The following STK32C variants were observed in gnomAD, a reference collection of about 807,000 sequenced individuals.
STK32C encodes the protein serine/threonine-protein kinase 32C.
STK32C carries 31 observed loss-of-function variants against 56.5 expected under a neutral mutation model. The ratio of observed to expected loss-of-function variants is 0.55; its 90% CI spans 0.41 to 0.74. The LOEUF is 0.74. Among genes scored for constraint, STK32C ranks in the 30% least tolerant of loss-of-function variants. The pLI, the probability that STK32C is intolerant of heterozygous loss-of-function variation, is 0.00. For synonymous variants in STK32C, 309 were observed against 289.4 expected, an observed-to-expected ratio of 1.07 and a Z score of -0.69; for missense variants, 544 against 676.9, an observed-to-expected ratio of 0.80 and a Z score of 2.18.
intron 1 of STK32C, among the ~76,000 whole-genome samples, chr10:132,297,119 G>A (rs1039144703): frequency 5.9e-5 from 9 of 152,222 alleles, no homozygotes; most frequent in Non-Finnish European, 7.4e-5. Flanking sequence ...TGACAGTCAC[G>A]GCTTAGGCCC....
rs1187531799 is a variant in STK32C, at chr10:132,324,519, G to C, written c.302-146C>G. ...TGGAATCAGCTGCCAGGGGCATTTTGAACATCTTCCAAAAAACAATTTTAG... is the reference window on the plus strand; with the variant it reads ...TGGAATCAGCTGCCAGGGGCATTTTCAACATCTTCCAAAAAACAATTTTAG... On this transcript the variant is annotated intron_variant, in intron 1 of 1. Transcript: ENST00000368619. 1.2e-5 allele frequency: 7 copies of C among 573,534 alleles called. No homozygotes were observed. In the Admixed American group the frequency reaches 1.8e-4, roughly 15 times the overall value. 35.5% of individuals were successfully genotyped at this position (573,534 alleles called of 1,614,324 possible).
At chr10:132,267,212 C>G (rs950675907) in intron 1 of STK32C, among the ~76,000 whole-genome samples, 1 of 152,232 alleles carries the variant, frequency 6.6e-6, no homozygotes, top group African/African-American at 2.4e-5. Context: ...AGCAGCAAGC[C>G]CAGTGTGGGG....
At chr10:132,250,654 G>A (rs1428872467) in intron 1 of STK32C, among the ~76,000 whole-genome samples, 1 of 151,668 alleles carries the variant, frequency 6.6e-6, no homozygotes, top group Admixed American at 6.6e-5. Context: ...GGTCACTGCA[G>A]AGAGGGGCCC....
At chr10:132,233,589 C>T (rs1565089391) in intron 2 of STK32C, among the ~76,000 whole-genome samples, 1 of 152,204 alleles carries the variant, frequency 6.6e-6, no homozygotes, top group African/African-American at 2.4e-5. Flanking sequence ...GCCTGGGTGG[C>T]GGCTGTAGTG....
At chr10:132,321,740 G>A (rs140243316), downstream of STK32C, among the ~76,000 whole-genome samples, 109 of 152,312 alleles carry the variant, frequency 7.2e-4, no homozygotes, top group African/African-American at 2.5e-3. Flanking sequence ...CAGGAGAATC[G>A]CTTGAACCTG....
At chr10:132,267,471 A>G (rs2087037247) in intron 1 of STK32C, among the ~76,000 whole-genome samples, 2 of 150,390 alleles carry the variant, frequency 1.3e-5, no homozygotes, top group African/African-American at 5.0e-5. Flanking sequence ...ATGTGGGTTC[A>G]GCTCTATGCC....
downstream of STK32C, among the ~76,000 whole-genome samples, chr10:132,322,858 C>T (rs2066435870): frequency 6.6e-6 from 1 of 152,136 alleles, no homozygotes; most frequent in Non-Finnish European, 1.5e-5. Context: ...ATGTCTCAGC[C>T]CCATTCTCTC....
chr10:132,285,541 A>T (rs1027459428), intron 1 of STK32C, among the ~76,000 whole-genome samples: 2 of 152,268 alleles, frequency 1.3e-5, no homozygotes, highest in African/African-American at 4.8e-5. Flanking sequence ...CTGATCATAC[A>T]GTTAGGTGAC....
chr10:132,208,975 A>G lies in STK32C; in HGVS notation c.1319+59T>C, dbSNP rs376682445. ...CGCTCACGTGGCCAAGAAAACCTTAACCTTAGCCCCATTTTCCTCCTCTCT... is the reference window on the plus strand; with the variant it reads ...CGCTCACGTGGCCAAGAAAACCTTAGCCTTAGCCCCATTTTCCTCCTCTCT... On this transcript the variant is annotated intron_variant, in intron 11 of 11. Transcript: ENST00000298630. 1.4e-4 allele frequency: 222 copies of G among 1,549,056 alleles called. 2 individuals are homozygous for G. In the African/African-American group the frequency reaches 2.7e-3, roughly 19 times the overall value.
intron 10 of STK32C, 53 bp downstream of exon 10, chr10:132,222,588 A>G: frequency 6.3e-7 from 1 of 1,594,366 alleles, no homozygotes. Context: ...GGTGGTAGAG[A>G]GGAGCCCCAA....
intron 1 of STK32C, among the ~76,000 whole-genome samples, chr10:132,265,058 T>A (rs543002536): frequency 6.9e-6 from 1 of 145,476 alleles, no homozygotes; most frequent in African/African-American, 2.7e-5. Flanking sequence ...GCAGCAGACA[T>A]GGCCGCAAGG....
intron 1 of STK32C, among the ~76,000 whole-genome samples, chr10:132,268,072 T>A (rs1203562542): frequency 6.8e-6 from 1 of 147,626 alleles, no homozygotes; most frequent in Non-Finnish European, 1.5e-5. Flanking sequence ...TCCCACGTCG[T>A]GTGTGTGTGT....
At chr10:132,314,750 T>G (rs1398690130) in intron 1 of STK32C, among the ~76,000 whole-genome samples, 1 of 152,214 alleles carries the variant, frequency 6.6e-6, no homozygotes, top group African/African-American at 2.4e-5. Context: ...TAACGTAGAC[T>G]TCAAGACAAA....
intron 1 of STK32C, among the ~76,000 whole-genome samples, chr10:132,277,029 T>C (rs7083511): frequency 0.43 from 66,143 of 152,244 alleles, 15,525 homozygotes; most frequent in African/African-American, 0.6. Flanking sequence ...AGGGATGTGC[T>C]TATTTTTGAC....
intron 8 of STK32C, among the ~76,000 whole-genome samples, chr10:132,223,578 C>T (rs548089960): frequency 6.6e-6 from 1 of 152,262 alleles, no homozygotes; most frequent in Non-Finnish European, 1.5e-5. Context: ...TTGTGAGCCA[C>T]CTGGGCAGGT....
In STK32C at chr10:132,331,628, G is replaced by A. The variant is rs879046864; in HGVS notation, c.109C>T (p.Arg37Cys). Residue 37 changes from arginine to cysteine, a missense_variant, in exon 1 of 2, where the codon CGC becomes TGC. Transcript: ENST00000368619. Reference sequence around the variant, plus strand: ...GAGCCCAGCGGGAAGGACAGGCAGCGAGGACCGCTCCAAAGGTGGTGCCTC... The same window carrying A: ...GAGCCCAGCGGGAAGGACAGGCAGCAAGGACCGCTCCAAAGGTGGTGCCTC... 1.8e-5 allele frequency: 29 copies of A among 1,612,892 alleles called. No individual in the cohort carries two copies. In the South Asian group the frequency reaches 3.0e-4, roughly 16 times the overall value.
intron 2 of STK32C, among the ~76,000 whole-genome samples, chr10:132,245,645 C>T (rs991697034): frequency 2.6e-5 from 4 of 152,246 alleles, no homozygotes; most frequent in Admixed American, 6.5e-5. Context: ...GCCAAAGCTG[C>T]GATTTTGTCC....
chr10:132,310,872 T>C (rs181505614), upstream of STK32C, among the ~76,000 whole-genome samples: 49 of 152,260 alleles, frequency 3.2e-4, 2 homozygotes, highest in East Asian at 9.3e-3. The surrounding 1 kb of genome is among the most constrained non-coding windows in gnomAD (Gnocchi z 4.6). Flanking sequence ...GGCCGGAGCA[T>C]GAACGAGTAG....
At chr10:132,326,750 C>T (rs1430229030) in intron 1 of STK32C, among the ~76,000 whole-genome samples, 2 of 152,204 alleles carry the variant, frequency 1.3e-5, no homozygotes, top group African/African-American at 4.8e-5. Flanking sequence ...CAGTCCTCCA[C>T]TGCTGGTCAC....
Sources: allele counts gnomAD v4.1 joint callset (sites outside exome capture counted in the v4.1 genomes callset), GRCh38; gene constraint gnomAD v4.1.1; non-coding constraint Gnocchi (gnomAD v3.1); transcripts MANE v1.5; gene names NCBI Gene and HGNC (gene_info 2026-07-23, HGNC 2026-07-21).